The following AP4E1 variants were observed in gnomAD, a reference collection of about 807,000 sequenced individuals.
AP4E1 encodes the protein AP-4 complex subunit epsilon-1.
A neutral mutation model predicts 128.2 loss-of-function variants in AP4E1; 56 were observed. The ratio of observed to expected loss-of-function variants is 0.44; its 90% CI spans 0.35 to 0.55. The LOEUF (loss-of-function observed/expected upper bound fraction) is 0.55, where lower values mean the gene tolerates loss of function less well. Among genes scored for constraint, AP4E1 ranks in the 20% least tolerant of loss-of-function variants. AP4E1 has a pLI of 0.00. For synonymous variants in AP4E1, 484 were observed against 473.1 expected, an observed-to-expected ratio of 1.02 and a Z score of -0.30; for missense variants, 1,324 against 1,307.7, an observed-to-expected ratio of 1.01 and a Z score of -0.19.
intron 7 of AP4E1, 178 bp from the exon 8 acceptor site, chr15:50,934,446 T>C (rs747635464): frequency 3.7e-6 from 2 of 533,864 alleles, no homozygotes; most frequent in Non-Finnish European, 6.8e-6. Flanking sequence ...AAGTAGGAAG[T>C]TCAAGCTCAT....
intron 8 of AP4E1, among the ~76,000 whole-genome samples, chr15:50,941,163 A>G (rs2063981133): frequency 6.6e-6 from 1 of 152,178 alleles, no homozygotes; most frequent in African/African-American, 2.4e-5. Flanking sequence ...TACTGAAACC[A>G]TGCCTGGCAC....
intron 15 of AP4E1, among the ~76,000 whole-genome samples, chr15:50,972,781 A>G (rs1322127482): frequency 3.3e-5 from 5 of 152,120 alleles, no homozygotes; most frequent in Non-Finnish European, 2.9e-5. Context: ...AGAGTAGCCT[A>G]TGGGGCTGTT....
intron 2 of AP4E1, among the ~76,000 whole-genome samples, chr15:50,914,135 T>C (rs2063599879): frequency 6.6e-6 from 1 of 152,178 alleles, no homozygotes; most frequent in South Asian, 2.1e-4. Context: ...TTTGTAGTCT[T>C]AATTAATGTG....
chr15:50,924,019 G>T lies in AP4E1; in HGVS notation c.420+15G>T. 1 of 1,585,158 alleles carries T rather than the reference G, an allele frequency of 6.3e-7. No individual in the cohort carries two copies. Among genetic ancestry groups the T allele is most frequent in the Non-Finnish European group, 8.7e-7 (1 of 1,154,276 alleles). On this transcript the variant is annotated intron_variant, in intron 4 of 20. Transcript: ENST00000261842. ...CAGTTGTAAAGGTATTGTATTGTAT[G>T]TTGGTTAATATGAAGTCATAATTCT...
intron 10 of AP4E1, among the ~76,000 whole-genome samples, chr15:50,943,418 T>C (rs1243294351): frequency 6.6e-6 from 1 of 152,194 alleles, no homozygotes; most frequent in Non-Finnish European, 1.5e-5. Flanking sequence ...TTCATATATA[T>C]TTATTTATTT....
At position 51,003,272 on chromosome 15, in the gene AP4E1, T is replaced by C. The variant is rs1363839166; in HGVS notation, c.*610T>C. 1 of 152,724 alleles carries C rather than the reference T, an allele frequency of 6.5e-6. No individual in the cohort carries two copies. The highest frequency in any genetic ancestry group is 1.5e-5 in the Non-Finnish European group (1 of 68,102). 9.5% of individuals were successfully genotyped at this position (152,724 alleles called of 1,614,324 possible). Reference sequence around the variant, plus strand: ...TTTTATTATAGATAACTGTTACACATAATTTCAGATCGTTTGGCTGTAAAA... The same window carrying C: ...TTTTATTATAGATAACTGTTACACACAATTTCAGATCGTTTGGCTGTAAAA... On this transcript the variant is annotated 3_prime_UTR_variant, in exon 21 of 21. Coordinates refer to ENST00000261842, the MANE Select transcript of AP4E1 (RefSeq NM_007347.5).
chr15:50,972,109 A>T (rs562486999), intron 15 of AP4E1, among the ~76,000 whole-genome samples: 3 of 152,310 alleles, frequency 2.0e-5, no homozygotes, highest in African/African-American at 4.8e-5. Flanking sequence ...AAAGGGAAAG[A>T]CTTATTTGTA....
Position 51,004,187 on chromosome 15 carries a change from A to G in AP4E1, c.*1525A>G, listed in dbSNP as rs1477770748. The G allele has an allele frequency of 1.3e-5, 2 of 152,232 alleles. No homozygotes were observed. Among genetic ancestry groups the G allele is most frequent in the Non-Finnish European group, 2.9e-5 (2 of 68,050 alleles). The allele number at this position is 152,232 out of a possible 1,614,324, so 9.4% of individuals were successfully genotyped here. A position where few individuals can be genotyped will look rare whatever the true frequency, so the allele number is the denominator to read the frequency against. On this transcript the variant is annotated 3_prime_UTR_variant, in exon 21 of 21. Coordinates refer to ENST00000261842, the MANE Select transcript of AP4E1 (RefSeq NM_007347.5). Reference sequence around the variant, plus strand: ...TCATCCCCAGGCTCTCAGCAGTGTCATGATGAAATGAGTGTGCTGACTTCA... The same window carrying G: ...TCATCCCCAGGCTCTCAGCAGTGTCGTGATGAAATGAGTGTGCTGACTTCA...
At position 50,997,607 on chromosome 15, in the gene AP4E1, A is replaced by C. The variant is rs1177572098; in HGVS notation, c.2628A>C (p.Ser876=). ...KFSYCSLSTP[S]LFANNNMEIF... ...CATATTGTAGTCTGTCTACACCTTC[A>C]TTGTTTGCTAATAACAACATGGAAA... Residue 876 remains serine, a synonymous_variant, in exon 18 of 21, where the codon TCA becomes TCC. Coordinates refer to ENST00000261842, the MANE Select transcript of AP4E1 (RefSeq NM_007347.5). 6.2e-7 allele frequency: 1 copy of C among 1,614,080 alleles called. No individual in the cohort carries two copies. The highest frequency in any genetic ancestry group is 8.5e-7 in the Non-Finnish European group (1 of 1,179,982).
At chr15:50,963,724 C>G (rs910937378) in intron 14 of AP4E1, among the ~76,000 whole-genome samples, 1 of 152,006 alleles carries the variant, frequency 6.6e-6, no homozygotes, top group African/African-American at 2.4e-5. Flanking sequence ...TGAAATGTTC[C>G]CAACACAAAT....
Position 51,001,177 on chromosome 15 carries a change from A to G in AP4E1, c.3247A>G (p.Ile1083Val). 2 of 1,613,234 alleles carry G rather than the reference A, an allele frequency of 1.2e-6. No homozygotes were observed. Among genetic ancestry groups the G allele is most frequent in the Non-Finnish European group, 1.7e-6 (2 of 1,179,568 alleles). ...GAAACTAAGACTCCATATTATTGAG[A>G]TTATAGGTTTGTAGAGTTATAAAAA... ...QQKLRLHIIE[I>V]IGNEGLLACQ... The change falls in exon 20 of 21, where the codon ATT becomes GTT. Residue 1083 changes from isoleucine to valine, a missense_variant. By Grantham distance (29) the Ile-to-Val change is conservative (BLOSUM62 3). Transcript: ENST00000261842.
At chr15:50,911,792 T>TA (rs1021105331) in intron 1 of AP4E1, among the ~76,000 whole-genome samples, 22 of 151,328 alleles carry the variant, frequency 1.5e-4, no homozygotes, top group Admixed American at 9.2e-4. Flanking sequence ...CCTTTAGTTT[T>TA]AAAAAAAAAC....
intron 7 of AP4E1, among the ~76,000 whole-genome samples, chr15:50,934,147 A>G (rs931812919): frequency 1.3e-5 from 2 of 152,072 alleles, no homozygotes; most frequent in East Asian, 3.8e-4. Flanking sequence ...TTTATATTTA[A>G]TGTAAATGTA....
chr15:50,962,889 CAAAAAAAAAAAAAA>C (rs71127168), intron 14 of AP4E1, among the ~76,000 whole-genome samples: 1 of 38,718 alleles, frequency 2.6e-5, no homozygotes, highest in Non-Finnish European at 4.4e-5. Context: ...AATTCAACAG[CAAAAAAAAAAAAAA>C]AAAAAAAAAA....
At chr15:50,990,143 G>A (rs576543123) in intron 16 of AP4E1, among the ~76,000 whole-genome samples, 1 of 151,816 alleles carries the variant, frequency 6.6e-6, no homozygotes, top group African/African-American at 2.4e-5. Context: ...ATGTTTGAAT[G>A]GTCTGAATAA....
intron 10 of AP4E1, among the ~76,000 whole-genome samples, chr15:50,947,018 A>G (rs1596475575): frequency 1.3e-5 from 2 of 152,194 alleles, no homozygotes; most frequent in East Asian, 3.9e-4. Context: ...TAAAAATACA[A>G]AAATTAGCCA....
At chr15:50,978,528 G>A (rs1432229804) in intron 15 of AP4E1, among the ~76,000 whole-genome samples, 1 of 152,138 alleles carries the variant, frequency 6.6e-6, no homozygotes, top group African/African-American at 2.4e-5. Context: ...GGCCTCTAAA[G>A]TATTAATAAT....
At chr15:50,983,033 A>G (rs2064663990) in intron 15 of AP4E1, among the ~76,000 whole-genome samples, 1 of 152,238 alleles carries the variant, frequency 6.6e-6, no homozygotes, top group South Asian at 2.1e-4. Flanking sequence ...GTCAGTTAAG[A>G]TTAGGCTTGC....
At chr15:50,924,029 A>G in intron 4 of AP4E1, 25 bp downstream of exon 4, 1 of 1,560,150 alleles carries the variant, frequency 6.4e-7, no homozygotes, top group South Asian at 1.1e-5. Flanking sequence ...GTTGGTTAAT[A>G]TGAAGTCATA....
Sources: allele counts gnomAD v4.1 joint callset (sites outside exome capture counted in the v4.1 genomes callset), GRCh38; gene constraint gnomAD v4.1.1; transcripts MANE v1.5; gene names NCBI Gene and HGNC (gene_info 2026-07-23, HGNC 2026-07-21).